Variants in PAPLN observed in about 807,000 individuals in gnomAD.
PAPLN encodes the protein papilin, proteoglycan like sulfated glycoprotein.
In PAPLN, 146 loss-of-function variants were observed where a neutral mutation model predicts 159.0. The observed-to-expected ratio is 0.92, with a 90% confidence interval of 0.80 to 1.05. The LOEUF is 1.05. Ranked by LOEUF, PAPLN falls within the 50% of genes least tolerant of loss-of-function variation. The pLI is 0.00. For missense variants in PAPLN, 1,720 were observed against 1,743.9 expected (o/e 0.99, Z 0.24); for synonymous variants, 734 against 702.9 (o/e 1.04, Z -0.70).
intron 1 of PAPLN, 88 bp from the exon 2 acceptor site, chr14:73,239,685 T>C (rs1883320088): frequency 2.6e-6 from 4 of 1,521,100 alleles, no homozygotes; most frequent in South Asian, 2.4e-5. Flanking sequence ...CTGTGGGCCA[T>C]AGGGAGAGAC....
chr14:73,255,072 T>C, intron 14 of PAPLN, 54 bp downstream of exon 14: 1 of 1,563,550 alleles, frequency 6.4e-7, no homozygotes, highest in Non-Finnish European at 8.7e-7. Flanking sequence ...TCCCACTCGC[T>C]ACAAACCCAG....
At chr14:73,270,872 C>T (rs1267706450) in intron 26 of PAPLN, among the ~76,000 whole-genome samples, 1 of 152,052 alleles carries the variant, frequency 6.6e-6, no homozygotes, top group Non-Finnish European at 1.5e-5. Context: ...ATACGGTGTG[C>T]GGCTGCCTGA....
At chr14:73,272,468 C>T (rs771373541) in intron 26 of PAPLN, 27 bp from the exon 27 acceptor site, 1 of 1,488,178 alleles carries the variant, frequency 6.7e-7, no homozygotes. Flanking sequence ...TTCCTCACCA[C>T]CTTCTCTCTC....
Position 73,253,634 on chromosome 14 carries a change from C to T in PAPLN, c.1095-120C>T, listed in dbSNP as rs150707020. On this transcript the variant is annotated intron_variant, in intron 11 of 26. Coordinates refer to ENST00000644200, the MANE Select transcript of PAPLN (RefSeq NM_001365906.3). ...GTAGCCTTTGTTCAGGCTGGAGGCTCAGAGGATGGGCTGGGGTGGGGGTCC... is the reference window on the plus strand; with the variant it reads ...GTAGCCTTTGTTCAGGCTGGAGGCTTAGAGGATGGGCTGGGGTGGGGGTCC... 9.8e-4 allele frequency: 902 copies of T among 921,602 alleles called. 7 individuals are homozygous for T. In the African/African-American group the frequency reaches 0.014, roughly 14 times the overall value. 57.1% of individuals were successfully genotyped at this position (921,602 alleles called of 1,614,324 possible).
rs181820536 is a variant in PAPLN at position 73,265,107 on chromosome 14, G to A, written c.3126-263G>A. Among the ~76,000 whole-genome samples the A allele has an allele frequency of 1.3e-5, 2 of 152,190 alleles. No homozygotes were observed. Among genetic ancestry groups the A allele is most frequent in the African/African-American group, 2.4e-5 (1 of 41,506 alleles). On this transcript the variant is annotated intron_variant, in intron 22 of 26. Coordinates refer to ENST00000644200, the MANE Select transcript of PAPLN (RefSeq NM_001365906.3). The surrounding 1 kb of genome is among the most constrained non-coding windows in gnomAD (Gnocchi z 4.1). ...TAGTGGCAAATGTGCAGGGTGGGGG[G>A]TGACAGATGGGGATCCTGGCTGGTG...
At position 73,245,750 on chromosome 14, in the gene PAPLN, C is replaced by T. The variant is rs1884174448; in HGVS notation, c.231+54C>T. On this transcript the variant is annotated intron_variant, in intron 4 of 26. Transcript: ENST00000644200. This position sits in a 1 kb window ranked among gnomAD's most constrained non-coding sequence, Gnocchi z 4.2. ...ACCAGCTTCCCCAGCCCCTCCTGGC[C>T]GATTTCCCCATTGGGATGCCCGCTC... 2 of 1,529,884 alleles carry T rather than the reference C, an allele frequency of 1.3e-6. No homozygotes were observed. Among genetic ancestry groups the T allele is most frequent in the South Asian group, 1.2e-5 (1 of 83,476 alleles). 94.8% of individuals were successfully genotyped at this position (1,529,884 alleles called of 1,614,324 possible).
chr14:73,245,499 G>T lies in PAPLN; in HGVS notation c.171-137G>T. The T allele has an allele frequency of 9.9e-6, 9 of 913,054 alleles. No individual in the cohort carries two copies. Among genetic ancestry groups the T allele is most frequent in the Non-Finnish European group, 1.5e-5 (9 of 613,580 alleles). The allele number at this position is 913,054 out of a possible 1,614,324, so 56.6% of individuals were successfully genotyped here. On this transcript the variant is annotated intron_variant, in intron 3 of 26. Coordinates refer to ENST00000644200, the MANE Select transcript of PAPLN (RefSeq NM_001365906.3). This position sits in a 1 kb window ranked among gnomAD's most constrained non-coding sequence, Gnocchi z 4.2. ...CACTCCCACCTGGGGGATTTACGGG[G>T]TGGGGTCGGGGGACACCCTCTCACC... is the stretch of plus-strand genomic sequence containing the variant.
Position 73,260,703 on chromosome 14 carries a change from G to A in PAPLN, c.1986-6G>A, listed in dbSNP as rs750636355. On this transcript the variant is annotated splice_polypyrimidine_tract_variant and splice_region_variant and intron_variant, in intron 16 of 26. Coordinates refer to ENST00000644200, the MANE Select transcript of PAPLN (RefSeq NM_001365906.3). ...GGCAGTGAGGGGCTGTGTGATGTCT[G>A]CCTAGGTACGGGTGCTGCCCTGACA... 2.7e-6 allele frequency: 4 copies of A among 1,458,906 alleles called. No homozygotes were observed. The highest frequency in any genetic ancestry group is 3.6e-6 in the Non-Finnish European group (4 of 1,108,700). 90.4% of individuals were successfully genotyped at this position (1,458,906 alleles called of 1,614,324 possible). A position where few individuals can be genotyped will look rare whatever the true frequency, so the allele number is the denominator to read the frequency against.
At chr14:73,254,070 C>A (rs1276879289) in intron 12 of PAPLN, 109 bp downstream of exon 12, 1 of 1,232,230 alleles carries the variant, frequency 8.1e-7, no homozygotes, top group Non-Finnish European at 1.1e-6. Flanking sequence ...GGTAAAATAA[C>A]CGGTCAGGTC....
chr14:73,250,438 C>T (rs1885114033), intron 6 of PAPLN, among the ~76,000 whole-genome samples: 1 of 152,226 alleles, frequency 6.6e-6, no homozygotes, highest in Non-Finnish European at 1.5e-5. Context: ...GCTTTCCTCT[C>T]CTTGGGTCCA....
In PAPLN at chr14:73,246,189, G is replaced by T; in HGVS notation, c.334+14G>T. 1 of 1,563,436 alleles carries T rather than the reference G, an allele frequency of 6.4e-7. No individual in the cohort carries two copies. On this transcript the variant is annotated intron_variant, in intron 5 of 26. Transcript: ENST00000644200. The stretch of plus-strand genomic sequence containing the variant: ...CCTACTACAGCGGTGAGCGCGGCCG[G>T]GACTCGCTCTCTCGGGGCCTCTTGT...
At position 73,266,723 on chromosome 14, in the gene PAPLN, G is replaced by A; in HGVS notation, c.3392G>A (p.Gly1131Glu). The change falls in exon 25 of 27, where the codon GGG (glycine) becomes GAG (glutamate). Residue 1131 changes from glycine (G) to glutamate (E), a missense_variant and splice_region_variant. Gly to Glu is a moderately conservative substitution (Grantham distance 98). Transcript: ENST00000644200. ...DQRWVQLRVL[G>E]ELTISGLPPT... ...GACAATGACTTGTCCTTGTGCCCAG[G>A]GGAGCTGACAATCTCAGGACTGCCC... The A allele has an allele frequency of 1.9e-6, 3 of 1,614,138 alleles. No individual in the cohort carries two copies. Among genetic ancestry groups the A allele is most frequent in the Non-Finnish European group, 2.5e-6 (3 of 1,180,018 alleles).
At chr14:73,255,928 G>C (rs746041349) in intron 14 of PAPLN, among the ~76,000 whole-genome samples, 12 of 152,238 alleles carry the variant, frequency 7.9e-5, no homozygotes, top group Non-Finnish European at 1.6e-4. Flanking sequence ...CATCTGCACA[G>C]TGGGGTTAAA....
chr14:73,253,163 C>T, intron 11 of PAPLN: 1 of 1,369,480 alleles, frequency 7.3e-7, no homozygotes, highest in South Asian at 1.1e-5. Flanking sequence ...GCACAAAGGA[C>T]CTCTTACCTG....
rs574743316 is a variant in PAPLN at position 73,247,774 on chromosome 14, G to A, written c.334+1599G>A. Among the ~76,000 whole-genome samples the A allele has an allele frequency of 1.5e-4, 21 of 137,678 alleles. 1 individual carries two copies. The East Asian group carries it at 5.1e-3, about 33-fold the overall frequency. The allele number at this position is 137,678 out of a possible 152,430, so 90.3% of individuals were successfully genotyped here. A position where few individuals can be genotyped will look rare whatever the true frequency, so the allele number is the denominator to read the frequency against. ...TTGTGCCGATAGTGGCAGTGGGCGT[G>A]GCCCAGTGGGAGTCTCTTATCCCGT... is the stretch of plus-strand genomic sequence containing the variant. On this transcript the variant is annotated intron_variant, in intron 5 of 26. Coordinates refer to ENST00000644200, the MANE Select transcript of PAPLN (RefSeq NM_001365906.3).
At chr14:73,261,416 A>G (rs187109316) in intron 18 of PAPLN, 122 bp downstream of exon 18, 13 of 1,356,942 alleles carry the variant, frequency 9.6e-6, no homozygotes, top group African/African-American at 8.8e-5. Context: ...TCCTACCACA[A>G]ATGTTGATTG....
chr14:73,253,180 C>T, intron 11 of PAPLN: 7 of 1,363,746 alleles, frequency 5.1e-6, no homozygotes, highest in Non-Finnish European at 6.8e-6. Flanking sequence ...CCTGCACCGG[C>T]CTGGAGCGTG....
intron 26 of PAPLN, 26 bp from the exon 27 acceptor site, chr14:73,272,469 C>A: frequency 6.7e-7 from 1 of 1,487,936 alleles, no homozygotes; most frequent in African/African-American, 1.4e-5. Flanking sequence ...TCCTCACCAC[C>A]TTCTCTCTCC....
rs867453516 is a variant in PAPLN, at chr14:73,262,541, C to T, written c.2437C>T (p.Arg813Cys). 1.3e-5 allele frequency: 20 copies of T among 1,569,592 alleles called. No individual in the cohort carries two copies. The highest frequency in any genetic ancestry group is 1.1e-4 in the Admixed American group (6 of 52,704). Residue 813 changes from arginine (R) to cysteine (C), a missense_variant, in exon 19 of 27, where the codon CGT (arginine) becomes TGT (cysteine). By Grantham distance (180) the Arg-to-Cys change is radical. Coordinates refer to ENST00000644200, the MANE Select transcript of PAPLN (RefSeq NM_001365906.3). ...CCAGGGATCTCTCCATGGGCCCCGTCGTCCCCAGCCTGGGGCTTCTGGAAG... is the reference window on the plus strand; with the variant it reads ...CCAGGGATCTCTCCATGGGCCCCGTTGTCCCCAGCCTGGGGCTTCTGGAAG... ...SCQGSLHGPRRPQPGASGRST... is the reference protein window; with the variant it reads ...SCQGSLHGPRCPQPGASGRST...
Sources: gnomAD v4.1 joint callset for allele counts (sites outside exome capture counted in the v4.1 genomes callset) on GRCh38, gnomAD v4.1.1 for gene constraint, Gnocchi (gnomAD v3.1) non-coding constraint, MANE v1.5 for transcripts, NCBI Gene and HGNC (gene_info 2026-07-23, HGNC 2026-07-21) for gene names.